SEZ6L: variants seen among roughly 807,000 people sequenced by gnomAD.
SEZ6L encodes seizure related 6 homolog like.
SEZ6L carries 37 observed loss-of-function variants against 106.2 expected under a neutral mutation model. That is an observed-to-expected ratio of 0.35 (90% CI 0.27 to 0.46). The LOEUF (loss-of-function observed/expected upper bound fraction) is 0.46, where lower values mean the gene tolerates loss of function less well. Ranked by LOEUF, SEZ6L falls within the 20% of genes least tolerant of loss-of-function variation. SEZ6L has a pLI of 1.00. For synonymous variants in SEZ6L, 541 were observed against 570.4 expected, an observed-to-expected ratio of 0.95 and a Z score of 0.73; for missense variants, 1,172 against 1,332.8, an observed-to-expected ratio of 0.88 and a Z score of 1.88.
chr22:26,265,214 C>T (rs775523233), intron 1 of SEZ6L, among the ~76,000 whole-genome samples: 62 of 152,310 alleles, frequency 4.1e-4, no homozygotes, highest in Non-Finnish European at 4.4e-4. Context: ...AGTTTCCTTA[C>T]ACCACCCTGT....
At chr22:26,289,099 G>A (rs547411647) in intron 1 of SEZ6L, among the ~76,000 whole-genome samples, 1 of 152,224 alleles carries the variant, frequency 6.6e-6, no homozygotes, top group Non-Finnish European at 1.5e-5. Flanking sequence ...GACACATAGA[G>A]AAGATGCAGA....
intron 1 of SEZ6L, among the ~76,000 whole-genome samples, chr22:26,194,073 TC>T (rs748349333): frequency 2.0e-5 from 3 of 152,072 alleles, no homozygotes; most frequent in East Asian, 1.9e-4. Context: ...CCCTCCTAGA[TC>T]CCAAAGGATG....
intron 1 of SEZ6L, chr22:26,292,180 G>A (rs1011236825): frequency 4.2e-6 from 2 of 473,974 alleles, no homozygotes; most frequent in African/African-American, 2.0e-5. Context: ...AGGAAAGAAG[G>A]AAGGAGGGAG....
intron 1 of SEZ6L, among the ~76,000 whole-genome samples, chr22:26,230,926 C>T (rs911858567): frequency 9.2e-5 from 14 of 152,310 alleles, no homozygotes; most frequent in Admixed American, 3.3e-4. Context: ...AGGGACAAGT[C>T]GCCCAAGGCT....
At chr22:26,316,106 A>G (rs1294445384) in intron 9 of SEZ6L, among the ~76,000 whole-genome samples, 3 of 152,142 alleles carry the variant, frequency 2.0e-5, no homozygotes, top group Admixed American at 6.5e-5. Flanking sequence ...TCTTCCCCCC[A>G]TTCCTTTCTC....
chr22:26,361,679 C>T (rs1458674190), intron 12 of SEZ6L, among the ~76,000 whole-genome samples: 3 of 152,056 alleles, frequency 2.0e-5, no homozygotes, highest in Non-Finnish European at 2.9e-5. Context: ...CATAACAACA[C>T]CTTGAGACAG....
intron 9 of SEZ6L, among the ~76,000 whole-genome samples, chr22:26,336,844 A>G (rs1328656895): frequency 6.6e-6 from 1 of 152,140 alleles, no homozygotes; most frequent in Non-Finnish European, 1.5e-5. Context: ...ACCTGTGAGG[A>G]AAACTGCCCC....
intron 1 of SEZ6L, among the ~76,000 whole-genome samples, chr22:26,251,727 G>A (rs1008085180): frequency 2.7e-4 from 41 of 152,234 alleles, no homozygotes; most frequent in African/African-American, 8.9e-4. Flanking sequence ...CTGCTCAGTG[G>A]TATTTGTGAA....
chr22:26,368,709 A>G (rs1318183458), intron 13 of SEZ6L, among the ~76,000 whole-genome samples: 1 of 151,564 alleles, frequency 6.6e-6, no homozygotes, highest in Non-Finnish European at 1.5e-5. Context: ...AACACTTTGA[A>G]ATGGTTAATT....
rs757843445 is a variant in SEZ6L at position 26,313,767 on chromosome 22, T to C, written c.1880T>C (p.Met627Thr). The change falls in exon 9 of 17, where the codon ATG (methionine) becomes ACG (threonine). Residue 627 changes from methionine (M) to threonine (T), a missense_variant. By Grantham distance (81) the Met-to-Thr change is moderately conservative. This residue lies in a region of SEZ6L where 534 missense variants were observed against 691.0 expected (regional missense o/e 0.77). Coordinates refer to ENST00000248933, the MANE Select transcript of SEZ6L (RefSeq NM_021115.5). ...WNDTEPLCRA[M>T]CGGELSAVAG... ...CTTGCCTGTCTGTCTTTTACAGCCATGTGTGGTGGGGAGCTCTCTGCTGTG... is the reference window on the plus strand; with the variant it reads ...CTTGCCTGTCTGTCTTTTACAGCCACGTGTGGTGGGGAGCTCTCTGCTGTG... The C allele has an allele frequency of 6.2e-7, 1 of 1,606,842 alleles. No individual in the cohort carries two copies. The highest frequency in any genetic ancestry group is 1.3e-5 in the African/African-American group (1 of 74,956).
At chr22:26,257,525 C>G (rs549303945) in intron 1 of SEZ6L, among the ~76,000 whole-genome samples, 3 of 152,162 alleles carry the variant, frequency 2.0e-5, no homozygotes, top group Non-Finnish European at 4.4e-5. Flanking sequence ...TAATGGCAGA[C>G]CAGATGGACA....
At chr22:26,306,382 G>A (rs1261309886) in intron 6 of SEZ6L, among the ~76,000 whole-genome samples, 1 of 152,126 alleles carries the variant, frequency 6.6e-6, no homozygotes, top group Non-Finnish European at 1.5e-5. Flanking sequence ...AGCAGGCTAG[G>A]GGAAGAGGCA....
chr22:26,327,868 G>T (rs2082369244), intron 9 of SEZ6L, among the ~76,000 whole-genome samples: 1 of 152,222 alleles, frequency 6.6e-6, no homozygotes, highest in African/African-American at 2.4e-5. Context: ...TAAACCTGGG[G>T]AAGCTTACAT....
At chr22:26,358,463 T>A (rs1253191591) in intron 12 of SEZ6L, among the ~76,000 whole-genome samples, 1 of 152,194 alleles carries the variant, frequency 6.6e-6, no homozygotes, top group Admixed American at 6.5e-5. Context: ...CCACTCTGTT[T>A]CAAAGCTCCA....
intron 1 of SEZ6L, among the ~76,000 whole-genome samples, chr22:26,224,379 G>A (rs1033784593): frequency 1.3e-5 from 2 of 152,184 alleles, no homozygotes; most frequent in Admixed American, 1.3e-4. Context: ...CTATTACTGG[G>A]TGCAGGAGTA....
At chr22:26,357,780 T>A (rs2083486142) in intron 12 of SEZ6L, among the ~76,000 whole-genome samples, 1 of 152,226 alleles carries the variant, frequency 6.6e-6, no homozygotes, top group African/African-American at 2.4e-5. Flanking sequence ...GTGGTCTTTA[T>A]CACACCTCTG....
intron 1 of SEZ6L, among the ~76,000 whole-genome samples, chr22:26,204,313 G>T (rs1941169633): frequency 6.6e-6 from 1 of 152,208 alleles, no homozygotes; most frequent in Non-Finnish European, 1.5e-5. Flanking sequence ...CTACTATTGT[G>T]ATGGGTGCTT....
chr22:26,203,575 T>G (rs1941112458), intron 1 of SEZ6L, among the ~76,000 whole-genome samples: 1 of 152,172 alleles, frequency 6.6e-6, no homozygotes, highest in Non-Finnish European at 1.5e-5. Flanking sequence ...CTATATAAAA[T>G]AAGGATGTAA....
In SEZ6L at chr22:26,310,808, G is replaced by A. The variant is rs146077946; in HGVS notation, c.1653G>A (p.Ala551=). ...RIEFTSDQAR[A]ASTFNIRFEA... ...AGTTCACGTCCGACCAGGCCCGGGC[G>A]GCCTCCACCTTCAACATCCGATTTG... The change falls in exon 7 of 17, where the codon GCG becomes GCA. Residue 551 remains alanine (A), a synonymous_variant. Coordinates refer to ENST00000248933, the MANE Select transcript of SEZ6L (RefSeq NM_021115.5). The A allele has an allele frequency of 2.6e-5, 42 of 1,613,884 alleles. No homozygotes were observed. Among genetic ancestry groups the A allele is most frequent in the African/African-American group, 1.6e-4 (12 of 74,912 alleles).
Sources: allele counts gnomAD v4.1 joint callset (sites outside exome capture counted in the v4.1 genomes callset), GRCh38; gene constraint gnomAD v4.1.1; regional missense constraint gnomAD v4.1.1; transcripts MANE v1.5; gene names NCBI Gene and HGNC (gene_info 2026-07-23, HGNC 2026-07-21).